Variants in BMPER observed in about 807,000 individuals in gnomAD.
BMPER encodes the protein BMP-binding endothelial regulator protein.
A neutral mutation model predicts 87.3 loss-of-function variants in BMPER; 45 were observed. That is an observed-to-expected ratio of 0.52 (90% CI 0.41 to 0.66). BMPER has a LOEUF of 0.66. Among genes scored for constraint, BMPER ranks in the 30% least tolerant of loss-of-function variants. The pLI, the probability that BMPER is intolerant of heterozygous loss-of-function variation, is 0.00. For missense variants in BMPER, 784 were observed against 867.5 expected (o/e 0.90, Z 1.21); for synonymous variants, 326 against 316.2 (o/e 1.03, Z -0.33).
intron 13 of BMPER, among the ~76,000 whole-genome samples, chr7:34,122,448 T>C (rs1044871458): frequency 2.6e-5 from 4 of 152,158 alleles, no homozygotes; most frequent in African/African-American, 9.7e-5. Flanking sequence ...TTCTAACAAG[T>C]CTCAGGTGAG....
intron 2 of BMPER, chr7:33,921,907 G>C (rs1485723517): frequency 2.2e-6 from 1 of 463,968 alleles, no homozygotes; most frequent in Non-Finnish European, 4.5e-6. Context: ...GCGGGATCCA[G>C]CTCCCCACTT....
chr7:33,953,636 C>A (rs1037808266), intron 3 of BMPER, among the ~76,000 whole-genome samples: 18 of 152,020 alleles, frequency 1.2e-4, no homozygotes, highest in African/African-American at 4.4e-4. Context: ...TTTTTTATGG[C>A]GAGACACACA....
At chr7:34,146,354 T>A (rs1791019078) in intron 14 of BMPER, among the ~76,000 whole-genome samples, 1 of 152,096 alleles carries the variant, frequency 6.6e-6, no homozygotes, top group Non-Finnish European at 1.5e-5. Flanking sequence ...CATTTTAAAG[T>A]CCAGCCTGGA....
chr7:33,937,207 C>G, intron 2 of BMPER, 82 bp from the exon 3 acceptor site: 1 of 1,443,718 alleles, frequency 6.9e-7, no homozygotes, highest in South Asian at 1.2e-5. Flanking sequence ...GAGTGGGGCT[C>G]GGGAAACCTC....
In BMPER at chr7:34,153,745, T is replaced by C. The variant is rs1294221279; in HGVS notation, c.*472T>C. The C allele has an allele frequency of 1.1e-5, 2 of 180,550 alleles. No homozygotes were observed. The highest frequency in any genetic ancestry group is 3.0e-4 in the East Asian group (2 of 6,732). 11.2% of individuals were successfully genotyped at this position (180,550 alleles called of 1,614,324 possible). A position where few individuals can be genotyped will look rare whatever the true frequency, so the allele number is the denominator to read the frequency against. On this transcript the variant is annotated 3_prime_UTR_variant, in exon 15 of 15. Transcript: ENST00000649409. Reference sequence around the variant, plus strand: ...CATTTATCTAGGGGCATTTCAGGTTTCCAAAGAAAGGAATGTATGCCTGGG... The same window carrying C: ...CATTTATCTAGGGGCATTTCAGGTTCCCAAAGAAAGGAATGTATGCCTGGG...
chr7:34,095,593 C>A (rs13232046), intron 13 of BMPER, among the ~76,000 whole-genome samples: 41,137 of 152,106 alleles, frequency 0.27, 5,905 homozygotes, highest in Middle Eastern at 0.32. Flanking sequence ...TTGAAAGATT[C>A]TGAAAGAAGA....
intron 13 of BMPER, among the ~76,000 whole-genome samples, chr7:34,113,955 T>C (rs762366352): frequency 4.6e-5 from 7 of 152,232 alleles, no homozygotes; most frequent in African/African-American, 1.7e-4. Context: ...CAACTGTTCC[T>C]GTGATTGAGA....
At chr7:34,055,081 G>A in intron 8 of BMPER, 82 bp from the exon 9 acceptor site, 6 of 1,573,162 alleles carry the variant, frequency 3.8e-6, no homozygotes, top group Admixed American at 3.3e-5. Flanking sequence ...AGATAGTTAT[G>A]AGTTATGAAA....
At chr7:33,935,292 C>G (rs1314995899) in intron 2 of BMPER, among the ~76,000 whole-genome samples, 1 of 152,046 alleles carries the variant, frequency 6.6e-6, no homozygotes, top group Non-Finnish European at 1.5e-5. Flanking sequence ...GCTCCTTATC[C>G]CAGCTCAGCC....
At chr7:34,003,585 G>A (rs894166706) in intron 6 of BMPER, among the ~76,000 whole-genome samples, 11 of 151,934 alleles carry the variant, frequency 7.2e-5, no homozygotes, top group East Asian at 1.9e-4. Context: ...AGAGGAGTCC[G>A]TTTAGTATTT....
intron 6 of BMPER, among the ~76,000 whole-genome samples, chr7:34,040,178 A>G (rs978195722): frequency 3.3e-5 from 5 of 152,108 alleles, no homozygotes; most frequent in Admixed American, 3.3e-4. Flanking sequence ...CTTGCATGAA[A>G]TGTTGGAAAA....
intron 4 of BMPER, among the ~76,000 whole-genome samples, chr7:33,968,340 T>G (rs1785456059): frequency 1.3e-5 from 2 of 152,226 alleles, no homozygotes; most frequent in Admixed American, 1.3e-4. Context: ...ACCTTCCCTT[T>G]CCTGACTTGC....
At chr7:33,951,391 C>A (rs1231377255) in intron 3 of BMPER, among the ~76,000 whole-genome samples, 1 of 152,116 alleles carries the variant, frequency 6.6e-6, no homozygotes, top group Non-Finnish European at 1.5e-5. Flanking sequence ...TGCTCACTTC[C>A]TGCCATGGAA....
At chr7:33,919,608 G>A (rs1784166489) in intron 2 of BMPER, among the ~76,000 whole-genome samples, 2 of 152,180 alleles carry the variant, frequency 1.3e-5, no homozygotes, top group African/African-American at 2.4e-5. Context: ...TGTGGGAATG[G>A]CATTGCAGGA....
intron 11 of BMPER, among the ~76,000 whole-genome samples, chr7:34,067,513 A>T (rs1788624465): frequency 6.6e-6 from 1 of 152,204 alleles, no homozygotes; most frequent in Admixed American, 6.5e-5. Context: ...CCAGGGCTGT[A>T]AGCAACTCCA....
intron 6 of BMPER, among the ~76,000 whole-genome samples, chr7:34,019,153 C>G (rs931005732): frequency 1.3e-5 from 2 of 151,996 alleles, no homozygotes; most frequent in African/African-American, 2.4e-5. Context: ...CCTGCAGGAT[C>G]GCATCACTGT....
In BMPER at chr7:34,086,140, A is replaced by G. The variant is rs537143507; in HGVS notation, c.1745+48A>G. 9 of 1,579,890 alleles carry G rather than the reference A, an allele frequency of 5.7e-6. No individual in the cohort carries two copies. In the East Asian group the frequency reaches 1.3e-4, roughly 24 times the overall value. Reference sequence around the variant, plus strand: ...TGGTTTTGGGTTGCAGACCAATAATAGACTTGACCTTGGAACATGGTGTAT... The same window carrying G: ...TGGTTTTGGGTTGCAGACCAATAATGGACTTGACCTTGGAACATGGTGTAT... On this transcript the variant is annotated intron_variant, in intron 13 of 14. Coordinates refer to ENST00000649409, the MANE Select transcript of BMPER (RefSeq NM_001365308.1).
chr7:34,090,116 A>G (rs1053883946), intron 13 of BMPER, among the ~76,000 whole-genome samples: 4 of 152,200 alleles, frequency 2.6e-5, no homozygotes, highest in African/African-American at 9.6e-5. Context: ...GAAAAGTTTT[A>G]ACCAAATGCA....
chr7:34,129,889 C>T (rs78725914), intron 13 of BMPER, among the ~76,000 whole-genome samples: 3,482 of 152,250 alleles, frequency 0.023, 121 homozygotes, highest in African/African-American at 0.078. Context: ...TGGATTAGCA[C>T]CTTGGTCTTC....
Sources: allele counts gnomAD v4.1 joint callset (sites outside exome capture counted in the v4.1 genomes callset), GRCh38; gene constraint gnomAD v4.1.1; transcripts MANE v1.5; gene names NCBI Gene and HGNC (gene_info 2026-07-23, HGNC 2026-07-21).